Variants in TBC1D1 observed in about 807,000 individuals in gnomAD.
The protein encoded by TBC1D1 is TBC1 domain family member 1.
TBC1D1 carries 89 observed loss-of-function variants against 125.6 expected under a neutral mutation model. The observed-to-expected ratio is 0.71, with a 90% CI of 0.60 to 0.85. The LOEUF (loss-of-function observed/expected upper bound fraction) is 0.85, where lower values mean the gene tolerates loss of function less well. Ranked by LOEUF, TBC1D1 falls within the 40% of genes least tolerant of loss-of-function variation. The pLI is 0.00. For synonymous variants in TBC1D1, 565 were observed against 564.1 expected, an observed-to-expected ratio of 1.00 and a Z score of -0.02; for missense variants, 1,377 against 1,469.2, an observed-to-expected ratio of 0.94 and a Z score of 1.03.
chr4:38,129,125 A>G (rs1162259083), intron 18 of TBC1D1, among the ~76,000 whole-genome samples: 1 of 152,146 alleles, frequency 6.6e-6, no homozygotes, highest in Non-Finnish European at 1.5e-5. Context: ...TGAGATCACC[A>G]GGGGATTCAC....
intron 3 of TBC1D1, among the ~76,000 whole-genome samples, chr4:38,018,045 C>T (rs1453092287): frequency 6.6e-6 from 1 of 152,172 alleles, no homozygotes; most frequent in African/African-American, 2.4e-5. Flanking sequence ...AGAGTAGATT[C>T]TGTTTTCTGG....
At chr4:38,010,687 CT>C (rs1273403812) in intron 2 of TBC1D1, among the ~76,000 whole-genome samples, 4 of 152,228 alleles carry the variant, frequency 2.6e-5, no homozygotes, top group African/African-American at 4.8e-5. Context: ...CCTCAGCCCC[CT>C]ATCCAGGTCA....
chr4:38,108,424 T>C (rs1243638638), intron 15 of TBC1D1, among the ~76,000 whole-genome samples: 2 of 152,210 alleles, frequency 1.3e-5, no homozygotes, highest in African/African-American at 2.4e-5. Flanking sequence ...CAAGAATGCA[T>C]CTAATCTCCC....
chr4:37,976,285 T>G (rs1418704007), intron 2 of TBC1D1, among the ~76,000 whole-genome samples: 1 of 152,212 alleles, frequency 6.6e-6, no homozygotes, highest in Non-Finnish European at 1.5e-5. Flanking sequence ...AGGCCAGTCT[T>G]GAGATGACTC....
At chr4:38,022,493 C>G (rs1424529874) in intron 6 of TBC1D1, among the ~76,000 whole-genome samples, 1 of 152,214 alleles carries the variant, frequency 6.6e-6, no homozygotes, top group Non-Finnish European at 1.5e-5. Context: ...CTGCCACCAA[C>G]CATTTCCAGG....
At chr4:38,064,807 T>A (rs1265915186) in intron 12 of TBC1D1, among the ~76,000 whole-genome samples, 2 of 151,920 alleles carry the variant, frequency 1.3e-5, no homozygotes, top group African/African-American at 4.8e-5. Context: ...GTGTTTTTAG[T>A]AGAGACGGGG....
intron 2 of TBC1D1, among the ~76,000 whole-genome samples, chr4:37,975,472 G>A (rs1400600082): frequency 6.6e-6 from 1 of 150,932 alleles, no homozygotes; most frequent in East Asian, 1.9e-4. Flanking sequence ...GTCCACAAGA[G>A]GTGGAGTAGT....
At chr4:37,968,575 G>T (rs915593105) in intron 2 of TBC1D1, among the ~76,000 whole-genome samples, 4 of 152,184 alleles carry the variant, frequency 2.6e-5, no homozygotes, top group Admixed American at 1.3e-4. Context: ...AATTTATAAG[G>T]TACTCCTCAA....
At chr4:38,039,104 CTTTTTTTTTT>C (rs776941680) in intron 8 of TBC1D1, among the ~76,000 whole-genome samples, 110 of 51,562 alleles carry the variant, frequency 2.1e-3, no homozygotes, top group African/African-American at 5.4e-3. Context: ...GCATCATACT[CTTTTTTTTTT>C]TTTTTTTTTT....
intron 2 of TBC1D1, among the ~76,000 whole-genome samples, chr4:37,942,559 G>C (rs62298462): frequency 6.6e-6 from 1 of 151,092 alleles, no homozygotes; most frequent in Non-Finnish European, 1.5e-5. Context: ...TTTTTTTTAG[G>C]ACGGAGTCTT....
At chr4:37,955,249 GT>G (rs1728706002) in intron 2 of TBC1D1, among the ~76,000 whole-genome samples, 1 of 152,130 alleles carries the variant, frequency 6.6e-6, no homozygotes, top group South Asian at 2.1e-4. Context: ...ATCTCTCCCA[GT>G]TTTTTTCCAA....
At chr4:38,052,703 TAC>T (rs199509126) in intron 11 of TBC1D1, among the ~76,000 whole-genome samples, 1,683 of 128,300 alleles carry the variant, frequency 0.013, 13 homozygotes, top group East Asian at 0.018. Flanking sequence ...CATGCGTATA[TAC>T]ACACACACGC....
chr4:38,093,464 G>A (rs924525208), intron 13 of TBC1D1, among the ~76,000 whole-genome samples: 31 of 151,662 alleles, frequency 2.0e-4, no homozygotes, highest in Admixed American at 2.6e-4. Flanking sequence ...AACAAAAAGC[G>A]CTGCCTCTCT....
At chr4:37,912,419 T>C (rs566223733) in intron 2 of TBC1D1, among the ~76,000 whole-genome samples, 1 of 152,294 alleles carries the variant, frequency 6.6e-6, no homozygotes, top group Admixed American at 6.5e-5. Flanking sequence ...CTGGGCCTGC[T>C]GGGTTAGAGT....
At position 37,891,214 on chromosome 4, in the gene TBC1D1, C is replaced by T. The variant is rs1022991595; in HGVS notation, c.-228C>T. On this transcript the variant is annotated 5_prime_UTR_variant, in exon 1 of 20. Coordinates refer to ENST00000261439, the MANE Select transcript of TBC1D1 (RefSeq NM_015173.4). ...CGCCGAGCCGAGGGGAGCCCCCTCC[C>T]CGTCCCCCCGCGGCGGGAAGAGCGC... 3 of 152,974 alleles carry T rather than the reference C, an allele frequency of 2.0e-5. No individual in the cohort carries two copies. Among genetic ancestry groups the T allele is most frequent in the Admixed American group, 1.3e-4 (2 of 15,274 alleles). The allele number at this position is 152,974 out of a possible 1,614,324, so 9.5% of individuals were successfully genotyped here.
chr4:37,995,429 C>G lies in TBC1D1; in HGVS notation c.418-19080C>G, dbSNP rs1454715466. 1 of 198,858 alleles carries G rather than the reference C, an allele frequency of 5.0e-6. No individual in the cohort carries two copies. Among genetic ancestry groups the G allele is most frequent in the African/African-American group, 2.4e-5 (1 of 42,536 alleles). 12.3% of individuals were successfully genotyped at this position (198,858 alleles called of 1,614,324 possible). A position where few individuals can be genotyped will look rare whatever the true frequency, so the allele number is the denominator to read the frequency against. Reference sequence around the variant, plus strand: ...TTAGGTATCAAATGCTAGGATACAACCTGAGGTTTCTTTCCCCGCCCCCTC... The same window carrying G: ...TTAGGTATCAAATGCTAGGATACAAGCTGAGGTTTCTTTCCCCGCCCCCTC... On this transcript the variant is annotated intron_variant, in intron 2 of 19. Coordinates refer to ENST00000261439, the MANE Select transcript of TBC1D1 (RefSeq NM_015173.4). The surrounding 1 kb of genome is among the most constrained non-coding windows in gnomAD (Gnocchi z 4.3).
intron 2 of TBC1D1, among the ~76,000 whole-genome samples, chr4:37,973,414 T>G (rs1203939870): frequency 2.6e-5 from 4 of 152,226 alleles, no homozygotes; most frequent in African/African-American, 9.6e-5. Context: ...AGAAATGCAG[T>G]TTTTATTCCC....
At chr4:38,002,104 G>A (rs1192635203) in intron 2 of TBC1D1, among the ~76,000 whole-genome samples, 1 of 152,166 alleles carries the variant, frequency 6.6e-6, no homozygotes, top group Non-Finnish European at 1.5e-5. Context: ...ATTCGTTCAG[G>A]ATTGGTAGGA....
At position 38,127,381 on chromosome 4, in the gene TBC1D1, C is replaced by CTT. The variant is rs35658047; in HGVS notation, c.3132+2270_3132+2271dup. 2.9e-3 allele frequency among the ~76,000 whole-genome samples: 362 copies of CTT among 124,400 alleles called. 5 individuals carry two copies. Among genetic ancestry groups the CTT allele is most frequent in the African/African-American group, 8.5e-3 (266 of 31,280 alleles). The allele number at this position is 124,400 out of a possible 152,430, so 81.6% of individuals were successfully genotyped here. A position where few individuals can be genotyped will look rare whatever the true frequency, so the allele number is the denominator to read the frequency against. On this transcript the variant is annotated intron_variant, in intron 18 of 19. Transcript: ENST00000261439. The stretch of plus-strand genomic sequence containing the variant: ...AAGTTGCCATTCATTTTTCCACTGA[C>CTT]TTTTTTTTTTTTTTTTTTTTTGAGA...
Sources: allele counts gnomAD v4.1 joint callset (sites outside exome capture counted in the v4.1 genomes callset), GRCh38; gene constraint gnomAD v4.1.1; non-coding constraint Gnocchi (gnomAD v3.1); transcripts MANE v1.5; gene names NCBI Gene and HGNC (gene_info 2026-07-23, HGNC 2026-07-21).